The following CDS1 variants were observed in gnomAD, a reference collection of about 807,000 sequenced individuals.
The protein encoded by CDS1 is phosphatidate cytidylyltransferase 1.
A neutral mutation model predicts 62.1 loss-of-function variants in CDS1; 41 were observed. The observed-to-expected ratio is 0.66, with a 90% CI of 0.51 to 0.86. The LOEUF is 0.86. Among genes scored for constraint, CDS1 ranks in the 40% least tolerant of loss-of-function variants. The pLI is 0.00. For missense variants in CDS1, 470 were observed against 550.1 expected (o/e 0.85, Z 1.46); for synonymous variants, 185 against 192.6 (o/e 0.96, Z 0.32).
chr4:84,635,006 G>A (rs1012625456), intron 7 of CDS1, among the ~76,000 whole-genome samples: 2 of 93,872 alleles, frequency 2.1e-5, no homozygotes, highest in African/African-American at 5.3e-5. Context: ...ATCCATAACT[G>A]TAGAAATCAA....
At chr4:84,635,650 CCTTCCTTCCTT>C (rs1560481642) in intron 8 of CDS1, among the ~76,000 whole-genome samples, 2 of 118,136 alleles carry the variant, frequency 1.7e-5, no homozygotes, top group African/African-American at 7.0e-5. Context: ...TTCCTTCCTT[CCTTCCTTCCTT>C]CCTTCCTTCC....
chr4:84,613,157 G>C (rs1723380205), intron 3 of CDS1, among the ~76,000 whole-genome samples: 1 of 151,586 alleles, frequency 6.6e-6, no homozygotes, highest in Admixed American at 6.6e-5. Flanking sequence ...CATATAGTTG[G>C]TACTCAATTG....
intron 1 of CDS1, among the ~76,000 whole-genome samples, chr4:84,602,306 A>G (rs1433748188): frequency 2.0e-5 from 3 of 152,214 alleles, no homozygotes. Context: ...TAATATAAAT[A>G]AAAGCAGGAC....
At chr4:84,624,375 A>C (rs141151329) in intron 5 of CDS1, among the ~76,000 whole-genome samples, 3 of 151,926 alleles carry the variant, frequency 2.0e-5, no homozygotes, top group African/African-American at 4.8e-5. Context: ...TATTCCATGA[A>C]ATCCTCCTCC....
chr4:84,622,443 A>T (rs1362740089), intron 5 of CDS1, among the ~76,000 whole-genome samples: 1 of 151,808 alleles, frequency 6.6e-6, no homozygotes, highest in Non-Finnish European at 1.5e-5. Flanking sequence ...ACAAAAAAAA[A>T]TTAGCCGGGT....
At chr4:84,604,513 T>C in intron 2 of CDS1, 143 bp downstream of exon 2, 1 of 693,606 alleles carries the variant, frequency 1.4e-6, no homozygotes, top group Non-Finnish European at 2.5e-6. Context: ...ATCCGAGGTA[T>C]AGTTCTATGT....
At chr4:84,604,410 A>C in intron 2 of CDS1, 40 bp downstream of exon 2, 2 of 1,598,700 alleles carry the variant, frequency 1.3e-6, no homozygotes, top group South Asian at 2.3e-5. Context: ...AGTGCACAAG[A>C]TAGGCTTTGA....
chr4:84,628,409 A>T (rs1723921000), intron 5 of CDS1, among the ~76,000 whole-genome samples: 3 of 152,034 alleles, frequency 2.0e-5, no homozygotes, highest in Non-Finnish European at 2.9e-5. Flanking sequence ...GTGCTTGATA[A>T]ATATTTTTTT....
intron 11 of CDS1, 21 bp downstream of exon 11, chr4:84,643,164 T>C: frequency 6.2e-7 from 1 of 1,608,410 alleles, no homozygotes; most frequent in East Asian, 2.2e-5. Context: ...AGATTCTTTG[T>C]TATATTATTA....
chr4:84,645,161 T>C (rs1424956260), intron 11 of CDS1, 61 bp from the exon 12 acceptor site: 8 of 1,050,626 alleles, frequency 7.6e-6, no homozygotes, highest in African/African-American at 3.1e-5. Context: ...GAGACACAGA[T>C]AGGAATTTTA....
rs1224546355 is a variant in CDS1 at position 84,648,619 on chromosome 4, A to G, written c.1319A>G (p.Asn440Ser). Residue 440 changes from asparagine (N) to serine (S), a missense_variant, in exon 13 of 13, where the codon AAT becomes AGT. Asn to Ser is a conservative substitution (Grantham distance 46, BLOSUM62 1). This residue lies in a region of CDS1 where 68 missense variants were observed against 81.5 expected (regional missense o/e 0.83). Coordinates refer to ENST00000295887, the MANE Select transcript of CDS1 (RefSeq NM_001263.4). ...GTGCTTCAACCTGAACAGCAGTTAA[A>G]TATATATAAAACCCTGAAGACTCAT... is the stretch of plus-strand genomic sequence containing the variant. ...LLVLQPEQQL[N>S]IYKTLKTHLI... 1 of 1,613,948 alleles carries G rather than the reference A, an allele frequency of 6.2e-7. No individual in the cohort carries two copies. The highest frequency in any genetic ancestry group is 8.5e-7 in the Non-Finnish European group (1 of 1,179,844).
chr4:84,609,383 AAACCTT>A, intron 2 of CDS1, 40 bp from the exon 3 acceptor site: 1 of 1,258,798 alleles, frequency 7.9e-7, no homozygotes. Flanking sequence ...ACCACACAAA[AAACCTT>A]AAGAACACGT....
chr4:84,650,427 A>T lies in CDS1; in HGVS notation c.*1741A>T, dbSNP rs551194809. The T allele has an allele frequency of 1.0e-3, 159 of 152,312 alleles. 2 individuals carry two copies. Among genetic ancestry groups the T allele is most frequent in the African/African-American group, 3.6e-3 (148 of 41,568 alleles). 9.4% of individuals were successfully genotyped at this position (152,312 alleles called of 1,614,324 possible). On this transcript the variant is annotated 3_prime_UTR_variant, in exon 13 of 13. Coordinates refer to ENST00000295887, the MANE Select transcript of CDS1 (RefSeq NM_001263.4). ...CTACAAGTTTAATTTTCAACATCTC[A>T]TGTTTTTATTTGTCCCATTACAGCC...
intron 1 of CDS1, among the ~76,000 whole-genome samples, chr4:84,596,323 A>G (rs1722750397): frequency 6.6e-6 from 1 of 152,210 alleles, no homozygotes; most frequent in African/African-American, 2.4e-5. Flanking sequence ...TGGAGCTCAG[A>G]AGTCCAAAAT....
intron 1 of CDS1, among the ~76,000 whole-genome samples, chr4:84,589,713 T>C (rs1722522600): frequency 6.6e-6 from 1 of 152,178 alleles, no homozygotes; most frequent in Non-Finnish European, 1.5e-5. Flanking sequence ...CTTACTGCAG[T>C]GAGGAACACT....
chr4:84,628,565 C>G (rs1273945153), intron 5 of CDS1, among the ~76,000 whole-genome samples: 1 of 152,082 alleles, frequency 6.6e-6, no homozygotes, highest in Non-Finnish European at 1.5e-5. Context: ...TGGTGACTTG[C>G]TTTGTGGTCC....
chr4:84,622,962 C>G (rs1051165315), intron 5 of CDS1, among the ~76,000 whole-genome samples: 4 of 152,194 alleles, frequency 2.6e-5, no homozygotes, highest in East Asian at 3.9e-4. Context: ...ACTTGAGGAA[C>G]TGCCTCACCT....
At position 84,635,498 on chromosome 4, in the gene CDS1, A is replaced by G. The variant is rs1724155485; in HGVS notation, c.810+147A>G. The G allele has an allele frequency of 7.4e-6, 5 of 671,470 alleles. No homozygotes were observed. In the Admixed American group the frequency reaches 8.2e-5, roughly 11 times the overall value. The allele number at this position is 671,470 out of a possible 1,614,324, so 41.6% of individuals were successfully genotyped here. On this transcript the variant is annotated intron_variant, in intron 8 of 12. Coordinates refer to ENST00000295887, the MANE Select transcript of CDS1 (RefSeq NM_001263.4). ...CTGCATGGTGCAGAAGCAGCAAACCATATTTCTCAGTACTTCCATCTGGGT... is the reference window on the plus strand; with the variant it reads ...CTGCATGGTGCAGAAGCAGCAAACCGTATTTCTCAGTACTTCCATCTGGGT...
chr4:84,648,762 A>G lies in CDS1; in HGVS notation c.*76A>G. On this transcript the variant is annotated 3_prime_UTR_variant, in exon 13 of 13. Coordinates refer to ENST00000295887, the MANE Select transcript of CDS1 (RefSeq NM_001263.4). Reference sequence around the variant, plus strand: ...CTGACAGATGTTTTATAAATTGTACAGAAAAATAGTTAAAAATGCAATAGG... The same window carrying G: ...CTGACAGATGTTTTATAAATTGTACGGAAAAATAGTTAAAAATGCAATAGG... 1 of 1,434,788 alleles carries G rather than the reference A, an allele frequency of 7.0e-7. No homozygotes were observed. The highest frequency in any genetic ancestry group is 9.4e-7 in the Non-Finnish European group (1 of 1,061,060). 88.9% of individuals were successfully genotyped at this position (1,434,788 alleles called of 1,614,324 possible). A position where few individuals can be genotyped will look rare whatever the true frequency, so the allele number is the denominator to read the frequency against.
Sources: gnomAD v4.1 joint callset for allele counts (sites outside exome capture counted in the v4.1 genomes callset) on GRCh38, gnomAD v4.1.1 for gene constraint, gnomAD v4.1.1 regional missense constraint, MANE v1.5 for transcripts, NCBI Gene and HGNC (gene_info 2026-07-23, HGNC 2026-07-21) for gene names.